The following TSGA10 variants were observed in gnomAD, a reference collection of about 807,000 sequenced individuals.
TSGA10 encodes the protein testis-specific gene 10 protein.
Under a neutral mutation model 96.6 loss-of-function variants are expected in TSGA10, and 43 were observed. The ratio of observed to expected loss-of-function variants is 0.44; its 90% CI spans 0.35 to 0.57. TSGA10 has a LOEUF of 0.57. Ranked by LOEUF, TSGA10 falls within the 20% of genes least tolerant of loss-of-function variation. The pLI, the probability that TSGA10 is intolerant of heterozygous loss-of-function variation, is 0.01. For synonymous variants in TSGA10, 229 were observed against 269.9 expected (o/e 0.85, Z 1.48); for missense variants, 703 against 834.4 (o/e 0.84, Z 1.94).
At chr2:99,123,076 C>G (rs1043656270) in intron 2 of TSGA10, among the ~76,000 whole-genome samples, 1 of 152,146 alleles carries the variant, frequency 6.6e-6, no homozygotes, top group South Asian at 2.1e-4. Flanking sequence ...TGAAAAATGT[C>G]GTGCCACTTC....
intron 16 of TSGA10, among the ~76,000 whole-genome samples, chr2:99,039,176 A>G (rs10170063): frequency 6.6e-6 from 1 of 151,728 alleles, no homozygotes; most frequent in Admixed American, 6.6e-5. Context: ...TAAATGCCTA[A>G]ATCAAAAAGT....
chr2:99,045,822 G>C (rs925263787), intron 16 of TSGA10, among the ~76,000 whole-genome samples: 5 of 152,202 alleles, frequency 3.3e-5, no homozygotes, highest in Non-Finnish European at 7.3e-5. Flanking sequence ...TCAGTGTGCT[G>C]TATGCAGGAG....
At chr2:99,136,009 C>CAAAAAAAAAAAAA (rs56120844) in intron 1 of TSGA10, among the ~76,000 whole-genome samples, 3 of 125,764 alleles carry the variant, frequency 2.4e-5, no homozygotes, top group Admixed American at 8.6e-5. Context: ...GACTTCGTAC[C>CAAAAAAAAAAAAA]AAAAAAAAAA....
intron 16 of TSGA10, among the ~76,000 whole-genome samples, chr2:99,043,554 A>C (rs1311846037): frequency 2.0e-5 from 3 of 151,976 alleles, no homozygotes; most frequent in Non-Finnish European, 4.4e-5. Context: ...AGCAAGTAGG[A>C]TAAAAGCTAA....
chr2:99,104,478 A>AT (rs764853422), intron 9 of TSGA10, among the ~76,000 whole-genome samples: 1,731 of 146,336 alleles, frequency 0.012, 9 homozygotes, highest in Middle Eastern at 0.025. Flanking sequence ...CTGTCTAGTA[A>AT]TTTTTTTTTT....
chr2:99,001,360 G>A (rs1474074784), intron 20 of TSGA10, among the ~76,000 whole-genome samples: 2 of 152,184 alleles, frequency 1.3e-5, no homozygotes, highest in Non-Finnish European at 2.9e-5. Flanking sequence ...TGGACCTCCA[G>A]CAAACTCCAA....
At chr2:99,045,555 G>A (rs890970402) in intron 16 of TSGA10, among the ~76,000 whole-genome samples, 4 of 152,244 alleles carry the variant, frequency 2.6e-5, no homozygotes, top group Admixed American at 2.6e-4. Flanking sequence ...TCACCACCAG[G>A]CCTGCCCTAA....
At chr2:99,063,295 A>C (rs1558890225) in intron 16 of TSGA10, among the ~76,000 whole-genome samples, 1 of 152,206 alleles carries the variant, frequency 6.6e-6, no homozygotes, top group Non-Finnish European at 1.5e-5. Flanking sequence ...ATAGGAAAAT[A>C]TCTCTCTGGC....
intron 4 of TSGA10, among the ~76,000 whole-genome samples, chr2:99,112,431 T>C (rs1384647474): frequency 6.6e-6 from 1 of 152,086 alleles, no homozygotes; most frequent in African/African-American, 2.4e-5. Context: ...TAGACAATAA[T>C]AAACCTAACA....
At chr2:99,129,399 A>G (rs570447372) in intron 1 of TSGA10, among the ~76,000 whole-genome samples, 1 of 152,218 alleles carries the variant, frequency 6.6e-6, no homozygotes, top group Non-Finnish European at 1.5e-5. Context: ...GATAAAGCAT[A>G]CAAAATTAAA....
chr2:99,096,253 G>A (rs1379548177), intron 10 of TSGA10, among the ~76,000 whole-genome samples: 1 of 152,042 alleles, frequency 6.6e-6, no homozygotes, highest in African/African-American at 2.4e-5. Flanking sequence ...AGTGCTTGCC[G>A]CCCCTTATCA....
At chr2:99,010,599 C>T (rs1216081794) in intron 20 of TSGA10, among the ~76,000 whole-genome samples, 20 of 152,232 alleles carry the variant, frequency 1.3e-4, no homozygotes, top group Admixed American at 1.3e-3. Context: ...CAGTCTCCAG[C>T]TCAAGCCCAG....
At chr2:99,068,497 T>TA (rs1190362344) in intron 15 of TSGA10, among the ~76,000 whole-genome samples, 11 of 152,002 alleles carry the variant, frequency 7.2e-5, no homozygotes, top group East Asian at 1.9e-4. Context: ...CTTGTGGTCC[T>TA]AAAAAAAATA....
intron 4 of TSGA10, among the ~76,000 whole-genome samples, chr2:99,112,037 A>C (rs2104865414): frequency 6.6e-6 from 1 of 152,306 alleles, no homozygotes; most frequent in Non-Finnish European, 1.5e-5. Context: ...ATATGGACTA[A>C]AATTTTGTAT....
intron 20 of TSGA10, among the ~76,000 whole-genome samples, chr2:99,004,520 G>C (rs377720206): frequency 1.3e-5 from 2 of 151,952 alleles, no homozygotes; most frequent in South Asian, 4.1e-4. Flanking sequence ...ACACCTCTAC[G>C]CAAATAAACT....
At chr2:99,025,152 A>C (rs2080448527) in intron 17 of TSGA10, among the ~76,000 whole-genome samples, 1 of 152,208 alleles carries the variant, frequency 6.6e-6, no homozygotes, top group African/African-American at 2.4e-5. Flanking sequence ...GCTTCATAGA[A>C]TGCATTAAGA....
Position 99,020,830 on chromosome 2 carries a change from G to A in TSGA10, c.1615-348C>T, listed in dbSNP as rs551432522. Among the ~76,000 whole-genome samples, 3 of 151,930 alleles carry A rather than the reference G, an allele frequency of 2.0e-5. No individual in the cohort carries two copies. The South Asian group carries it at 6.2e-4, about 32-fold the overall frequency. ...CACTGCTTTGTCCTGAGTTAGGTGA[G>A]CTACATGCTTATAGAATGTCATTGG... On this transcript the variant is annotated intron_variant, in intron 17 of 20. Coordinates refer to ENST00000393483, the MANE Select transcript of TSGA10 (RefSeq NM_025244.4).
At chr2:99,118,044 A>G (rs1014427254) in intron 3 of TSGA10, among the ~76,000 whole-genome samples, 1 of 152,220 alleles carries the variant, frequency 6.6e-6, no homozygotes, top group South Asian at 2.1e-4. Flanking sequence ...TCTATTAGAA[A>G]AATGGCCAAA....
intron 20 of TSGA10, among the ~76,000 whole-genome samples, chr2:99,015,587 A>G (rs1172148522): frequency 1.3e-5 from 2 of 152,192 alleles, no homozygotes; most frequent in African/African-American, 4.8e-5. Flanking sequence ...GAGAACTGGA[A>G]CAAGACAAGG....
Sources: gnomAD v4.1 joint callset for allele counts (sites outside exome capture counted in the v4.1 genomes callset) on GRCh38, gnomAD v4.1.1 for gene constraint, MANE v1.5 for transcripts, NCBI Gene and HGNC (gene_info 2026-07-23, HGNC 2026-07-21) for gene names.